HIF1AN: variants seen among roughly 807,000 people sequenced by gnomAD.
HIF1AN encodes the protein hypoxia inducible factor 1 subunit alpha inhibitor, also known as hypoxia-inducible factor 1-alpha inhibitor.
A neutral mutation model predicts 47.7 loss-of-function variants in HIF1AN; 21 were observed. The ratio of observed to expected loss-of-function variants is 0.44; its 90% CI spans 0.31 to 0.63. The LOEUF (loss-of-function observed/expected upper bound fraction) is 0.63. HIF1AN is among the 30% of genes least tolerant of loss of function. HIF1AN has a pLI of 0.07. For missense variants in HIF1AN, 320 were observed against 432.7 expected (o/e 0.74, Z 2.31); for synonymous variants, 152 against 155.9 (o/e 0.98, Z 0.18).
chr10:100,545,757 T>C (rs768374969), intron 4 of HIF1AN, among the ~76,000 whole-genome samples, 186 bp from the exon 5 acceptor site: 11 of 152,202 alleles, frequency 7.2e-5, no homozygotes, highest in African/African-American at 2.2e-4. Context: ...GACTGTCTTA[T>C]ATTGTTCTCT....
At position 100,558,944 on chromosome 10, in the gene HIF1AN, T is replaced by C. The variant is rs957609820; in HGVS notation, c.*10807T>C. ...CTATGCAGTTTGTATTTTAAGTCCT[T>C]GACATATGGAAGAGCATTTGTGAGA... On this transcript the variant is annotated 3_prime_UTR_variant, in exon 8 of 8. Transcript: ENST00000299163. 3.3e-5 allele frequency: 5 copies of C among 152,232 alleles called. No homozygotes were observed. The highest frequency in any genetic ancestry group is 9.6e-5 in the African/African-American group (4 of 41,456). 9.4% of individuals were successfully genotyped at this position (152,232 alleles called of 1,614,324 possible).
In HIF1AN at chr10:100,546,595, G is replaced by T; in HGVS notation, c.894+14G>T. The T allele has an allele frequency of 6.2e-7, 1 of 1,610,396 alleles. No individual in the cohort carries two copies. Among genetic ancestry groups the T allele is most frequent in the Non-Finnish European group, 8.5e-7 (1 of 1,177,504 alleles). ...TTCTGGTATAAGGTGAATATGGTTT[G>T]CTTTTTTTGTTTTTTCCAGATGGAA... On this transcript the variant is annotated intron_variant, in intron 6 of 7. Transcript: ENST00000299163.
intron 2 of HIF1AN, among the ~76,000 whole-genome samples, chr10:100,537,864 G>C (rs74154667): frequency 7.9e-4 from 120 of 152,238 alleles, no homozygotes; most frequent in African/African-American, 2.4e-3. Flanking sequence ...CATAATGATG[G>C]GATTTTTGAC....
Position 100,549,649 on chromosome 10 carries a change from G to T in HIF1AN, c.*1512G>T, listed in dbSNP as rs1357396379. 1 of 152,262 alleles carries T rather than the reference G, an allele frequency of 6.6e-6. No homozygotes were observed. The highest frequency in any genetic ancestry group is 1.5e-5 in the Non-Finnish European group (1 of 68,112). The allele number at this position is 152,262 out of a possible 1,614,324, so 9.4% of individuals were successfully genotyped here. On this transcript the variant is annotated 3_prime_UTR_variant, in exon 8 of 8. Transcript: ENST00000299163. ...CTATTCAGTGGGAGTGGGGTCCCTGGGATTGGGCAGTGTGGTGGCCCTGTG... is the reference window on the plus strand; with the variant it reads ...CTATTCAGTGGGAGTGGGGTCCCTGTGATTGGGCAGTGTGGTGGCCCTGTG...
rs1283133567 is a variant in HIF1AN, at chr10:100,550,264, T to C, written c.*2127T>C. 1 of 152,236 alleles carries C rather than the reference T, an allele frequency of 6.6e-6. No individual in the cohort carries two copies. Among genetic ancestry groups the C allele is most frequent in the African/African-American group, 2.4e-5 (1 of 41,460 alleles). The allele number at this position is 152,236 out of a possible 1,614,324, so 9.4% of individuals were successfully genotyped here. A position where few individuals can be genotyped will look rare whatever the true frequency, so the allele number is the denominator to read the frequency against. ...GGGGTGGGAGGGAGAAGGCTAATCT[T>C]GGAACCTTCACAGGATTGGCCTTGA... On this transcript the variant is annotated 3_prime_UTR_variant, in exon 8 of 8. Coordinates refer to ENST00000299163, the MANE Select transcript of HIF1AN (RefSeq NM_017902.3).
rs1239964175 is a variant in HIF1AN, at chr10:100,544,998, C to G, written c.625C>G (p.Gln209Glu). 8 of 1,613,980 alleles carry G rather than the reference C, an allele frequency of 5.0e-6. No homozygotes were observed. In the Admixed American group the frequency reaches 5.0e-5, roughly 10 times the overall value. ...HYDEQQNFFA[Q>E]IKGYKRCILF... The stretch of plus-strand genomic sequence containing the variant: ...TGATGAGCAGCAGAACTTTTTTGCT[C>G]AGATAAAAGGTTACAAACGATGCAT... The change falls in exon 4 of 8, where the codon CAG (glutamine) becomes GAG (glutamate). Residue 209 changes from glutamine (Q) to glutamate (E), a missense_variant. By Grantham distance (29) the Gln-to-Glu change is conservative. This residue lies in a region of HIF1AN where 161 missense variants were observed against 272.8 expected (regional missense o/e 0.59). Transcript: ENST00000299163.
chr10:100,540,489 C>G (rs1013537071), intron 2 of HIF1AN, 145 bp from the exon 3 acceptor site: 2 of 763,170 alleles, frequency 2.6e-6, no homozygotes, highest in Admixed American at 2.7e-5. Flanking sequence ...TATGAGAATC[C>G]ATGTTGGCTA....
chr10:100,537,233 G>C (rs1041221636), intron 2 of HIF1AN, among the ~76,000 whole-genome samples: 2 of 152,148 alleles, frequency 1.3e-5, no homozygotes, highest in African/African-American at 4.8e-5. Context: ...TTCAGTTTTG[G>C]AGTGCAGTTC....
intron 3 of HIF1AN, among the ~76,000 whole-genome samples, chr10:100,541,690 G>A (rs7078799): frequency 0.2 from 30,799 of 152,052 alleles, 3,239 homozygotes; most frequent in South Asian, 0.23. Context: ...AGCTAGTTTC[G>A]TGTATTCTAA....
In HIF1AN at chr10:100,546,454, C is replaced by A; in HGVS notation, c.831-64C>A. On this transcript the variant is annotated intron_variant, in intron 5 of 7. Transcript: ENST00000299163. ...AGCCCAACCCTGCCACCCCCCCGCACTTCGCCCCTCCGCCCCCGCCAAAAG... is the reference window on the plus strand; with the variant it reads ...AGCCCAACCCTGCCACCCCCCCGCAATTCGCCCCTCCGCCCCCGCCAAAAG... The A allele has an allele frequency of 1.4e-5, 15 of 1,034,856 alleles. No homozygotes were observed. In the South Asian group the frequency reaches 2.1e-4, roughly 14 times the overall value. 64.1% of individuals were successfully genotyped at this position (1,034,856 alleles called of 1,614,324 possible).
intron 2 of HIF1AN, 93 bp downstream of exon 2, chr10:100,536,754 A>G (rs1259171298): frequency 1.9e-5 from 26 of 1,393,826 alleles, no homozygotes; most frequent in Middle Eastern, 2.2e-4. Context: ...TGGGTCAATT[A>G]GAGATTGGCC....
chr10:100,552,330 A>G lies in HIF1AN; in HGVS notation c.*4193A>G, dbSNP rs1197907574. The G allele has an allele frequency of 6.6e-6, 1 of 152,074 alleles. No individual in the cohort carries two copies. The highest frequency in any genetic ancestry group is 1.5e-5 in the Non-Finnish European group (1 of 68,016). The allele number at this position is 152,074 out of a possible 1,614,324, so 9.4% of individuals were successfully genotyped here. A position where few individuals can be genotyped will look rare whatever the true frequency, so the allele number is the denominator to read the frequency against. Reference sequence around the variant, plus strand: ...CGTCTCGCCTCTCAGTAGGTTCCCTACCTCTGGGTCTTCCACCCTTCAAAA... The same window carrying G: ...CGTCTCGCCTCTCAGTAGGTTCCCTGCCTCTGGGTCTTCCACCCTTCAAAA... On this transcript the variant is annotated 3_prime_UTR_variant, in exon 8 of 8. Coordinates refer to ENST00000299163, the MANE Select transcript of HIF1AN (RefSeq NM_017902.3).
At position 100,548,452 on chromosome 10, in the gene HIF1AN, A is replaced by G. The variant is rs1027340638; in HGVS notation, c.*315A>G. ...TGTCTGTGTGTATGTTAGTCTGTCAACTTCGGAATGTGTGCGTGTGTGTGC... is the reference window on the plus strand; with the variant it reads ...TGTCTGTGTGTATGTTAGTCTGTCAGCTTCGGAATGTGTGCGTGTGTGTGC... On this transcript the variant is annotated 3_prime_UTR_variant, in exon 8 of 8. Coordinates refer to ENST00000299163, the MANE Select transcript of HIF1AN (RefSeq NM_017902.3). 2.3e-5 allele frequency: 8 copies of G among 342,678 alleles called. No homozygotes were observed. Among genetic ancestry groups the G allele is most frequent in the African/African-American group, 8.5e-5 (4 of 46,952 alleles). The allele number at this position is 342,678 out of a possible 1,614,324, so 21.2% of individuals were successfully genotyped here. A position where few individuals can be genotyped will look rare whatever the true frequency, so the allele number is the denominator to read the frequency against.
At position 100,548,074 on chromosome 10, in the gene HIF1AN, T is replaced by C; in HGVS notation, c.1006-19T>C. On this transcript the variant is annotated intron_variant, in intron 7 of 7. Coordinates refer to ENST00000299163, the MANE Select transcript of HIF1AN (RefSeq NM_017902.3). The stretch of plus-strand genomic sequence containing the variant: ...CAGGGAACAGCCAGTTCTGATTGGC[T>C]CCTCATGTTTCTTTACAGGTGGGGC... 1.2e-6 allele frequency: 2 copies of C among 1,613,772 alleles called. No individual in the cohort carries two copies. The highest frequency in any genetic ancestry group is 1.7e-6 in the Non-Finnish European group (2 of 1,179,746).
At position 100,544,880 on chromosome 10, in the gene HIF1AN, A is replaced by G. The variant is rs1231795396; in HGVS notation, c.578-71A>G. Reference sequence around the variant, plus strand: ...AGGGCAGGCTGGGTTTCTCTTTAGCACTGGGTCCTGTATTCCAGCTTATGC... The same window carrying G: ...AGGGCAGGCTGGGTTTCTCTTTAGCGCTGGGTCCTGTATTCCAGCTTATGC... On this transcript the variant is annotated intron_variant, in intron 3 of 7. Transcript: ENST00000299163. The G allele has an allele frequency of 1.4e-5, 21 of 1,472,564 alleles. No individual in the cohort carries two copies. The African/African-American group carries it at 2.1e-4, about 15-fold the overall frequency. The allele number at this position is 1,472,564 out of a possible 1,614,324, so 91.2% of individuals were successfully genotyped here. A position where few individuals can be genotyped will look rare whatever the true frequency, so the allele number is the denominator to read the frequency against.
chr10:100,545,977 C>A lies in HIF1AN; in HGVS notation c.758C>A (p.Pro253His). 6.2e-7 allele frequency: 1 copy of A among 1,613,832 alleles called. No homozygotes were observed. Among genetic ancestry groups the A allele is most frequent in the Non-Finnish European group, 8.5e-7 (1 of 1,179,926 alleles). The part of the protein sequence containing the change: ...DFDNPDYERF[P>H]NFQNVVGYET... ...GACAATCCCGACTACGAGAGGTTCC[C>A]TAATTTCCAAAATGTGGTTGGTTAC... The change falls in exon 5 of 8, where the codon CCT becomes CAT. Residue 253 changes from proline (P) to histidine (H), a missense_variant. By Grantham distance (77) the Pro-to-His change is moderately conservative (BLOSUM62 -2). This residue lies in a region of HIF1AN where 161 missense variants were observed against 272.8 expected (regional missense o/e 0.59). Coordinates refer to ENST00000299163, the MANE Select transcript of HIF1AN (RefSeq NM_017902.3).
intron 3 of HIF1AN, among the ~76,000 whole-genome samples, chr10:100,541,790 A>C (rs775872359): frequency 2.0e-5 from 3 of 152,204 alleles, no homozygotes; most frequent in Non-Finnish European, 4.4e-5. Context: ...GTGATGCTTA[A>C]TGTCAGGGAT....
At chr10:100,539,725 T>G (rs1843001863) in intron 2 of HIF1AN, among the ~76,000 whole-genome samples, 1 of 152,216 alleles carries the variant, frequency 6.6e-6, no homozygotes, top group Admixed American at 6.5e-5. Flanking sequence ...TGTGGACATT[T>G]CCTTGGCCAG....
intron 2 of HIF1AN, among the ~76,000 whole-genome samples, chr10:100,540,091 C>T (rs550365080): frequency 1.3e-5 from 2 of 152,122 alleles, no homozygotes; most frequent in South Asian, 4.2e-4. Flanking sequence ...TCACTGCAAC[C>T]TCTGCCTCCC....
Sources: gnomAD v4.1 joint callset for allele counts (sites outside exome capture counted in the v4.1 genomes callset) on GRCh38, gnomAD v4.1.1 for gene constraint, gnomAD v4.1.1 regional missense constraint, MANE v1.5 for transcripts, NCBI Gene and HGNC (gene_info 2026-07-23, HGNC 2026-07-21) for gene names.